ADAMTS12: variants seen among roughly 807,000 people sequenced by gnomAD.
ADAMTS12 encodes the protein A disintegrin and metalloproteinase with thrombospondin motifs 12.
Under a neutral mutation model 167.8 loss-of-function variants are expected in ADAMTS12, and 118 were observed. That is an observed-to-expected ratio of 0.70 (90% CI 0.61 to 0.82). ADAMTS12 has a LOEUF of 0.82. Among genes scored for constraint, ADAMTS12 ranks in the 40% least tolerant of loss-of-function variants. ADAMTS12 has a pLI of 0.00. For synonymous variants in ADAMTS12, 704 were observed against 716.9 expected (o/e 0.98, Z 0.29); for missense variants, 1,916 against 1,998.8 (o/e 0.96, Z 0.79).
Position 33,577,047 on chromosome 5 carries a change from G to T in ADAMTS12, c.2979C>A (p.Leu993=). The T allele has an allele frequency of 6.2e-7, 1 of 1,614,220 alleles. No individual in the cohort carries two copies. The highest frequency in any genetic ancestry group is 1.3e-5 in the African/African-American group (1 of 75,054). The change falls in exon 19 of 24, where the codon CTC becomes CTA. Residue 993 remains leucine (L), a synonymous_variant. Coordinates refer to ENST00000504830, the MANE Select transcript of ADAMTS12 (RefSeq NM_030955.4). ...RKPNSRALCG[L]QQCPSSRRVL... ...CTCTCCGGCTAGAAGGGCATTGCTG[G>T]AGGCCACACAGAGCTCGGCTGTTGG...
intron 2 of ADAMTS12, among the ~76,000 whole-genome samples, chr5:33,830,500 C>A (rs1204873954): frequency 6.6e-6 from 1 of 152,158 alleles, no homozygotes; most frequent in East Asian, 1.9e-4. Flanking sequence ...CTAAAGAATT[C>A]TGTCTTGGCC....
intron 2 of ADAMTS12, among the ~76,000 whole-genome samples, chr5:33,877,267 C>T (rs1750263398): frequency 2.0e-5 from 3 of 152,206 alleles, no homozygotes; most frequent in African/African-American, 7.2e-5. Context: ...AGTTTAATGA[C>T]CCAGGTACAC....
rs567321559 is a variant in ADAMTS12 at position 33,573,445 on chromosome 5, A to G, written c.3972+2609T>C. On this transcript the variant is annotated intron_variant, in intron 19 of 23. Transcript: ENST00000504830. ...GAACAGAGCCCTCAGAAATAATGCC[A>G]CGTATCTACAACTATCTGATCTTTG... 9.9e-5 allele frequency among the ~76,000 whole-genome samples: 15 copies of G among 152,234 alleles called. No individual in the cohort carries two copies. In the South Asian group the frequency reaches 2.9e-3, roughly 29 times the overall value.
chr5:33,613,503 T>C (rs902869025), intron 16 of ADAMTS12, among the ~76,000 whole-genome samples: 1 of 152,116 alleles, frequency 6.6e-6, no homozygotes, highest in African/African-American at 2.4e-5. Context: ...CTTGCAGCAC[T>C]TCCAGGCCAA....
At chr5:33,819,699 C>T (rs977052097) in intron 2 of ADAMTS12, among the ~76,000 whole-genome samples, 2 of 152,046 alleles carry the variant, frequency 1.3e-5, no homozygotes, top group African/African-American at 4.8e-5. Flanking sequence ...ACATTATAAA[C>T]GATCCACTCA....
At chr5:33,591,093 T>TGC (rs1747615525) in intron 17 of ADAMTS12, among the ~76,000 whole-genome samples, 2 of 128,000 alleles carry the variant, frequency 1.6e-5, no homozygotes, top group African/African-American at 2.6e-5. Flanking sequence ...TGTGTGTGTG[T>TGC]GTGTGTGTGT....
At chr5:33,598,379 T>G (rs892513665) in intron 16 of ADAMTS12, among the ~76,000 whole-genome samples, 8 of 152,202 alleles carry the variant, frequency 5.3e-5, no homozygotes, top group African/African-American at 1.9e-4. Flanking sequence ...TCAATTCATT[T>G]CTTATCTATT....
chr5:33,681,746 G>T (rs902541002), intron 5 of ADAMTS12, among the ~76,000 whole-genome samples: 6 of 152,198 alleles, frequency 3.9e-5, no homozygotes, highest in African/African-American at 7.2e-5. Flanking sequence ...GAAGGCGCCA[G>T]TCATGTGCAG....
intron 7 of ADAMTS12, among the ~76,000 whole-genome samples, chr5:33,653,948 T>A (rs1302306105): frequency 6.6e-6 from 1 of 152,206 alleles, no homozygotes; most frequent in Non-Finnish European, 1.5e-5. Context: ...GAACGTAAGA[T>A]CTTTTGTTAT....
chr5:33,872,272 G>A (rs772141444), intron 2 of ADAMTS12, among the ~76,000 whole-genome samples: 16 of 152,274 alleles, frequency 1.1e-4, no homozygotes, highest in Middle Eastern at 3.4e-3. Flanking sequence ...CTAGCTGGGC[G>A]TGGTGGCTCA....
rs10039694 is a variant in ADAMTS12 at position 33,540,940 on chromosome 5, G to A, written c.4446+5119C>T. 7.4e-3 allele frequency among the ~76,000 whole-genome samples: 1,125 copies of A among 152,292 alleles called. 13 individuals carry two copies. Among genetic ancestry groups the A allele is most frequent in the African/African-American group, 0.026 (1,062 of 41,558 alleles). On this transcript the variant is annotated intron_variant, in intron 22 of 23. Transcript: ENST00000504830. ...AGTTCCTCTTCTCCTTCAAAGGATC[G>A]TAGCTCCTCACCAGCACTGGAACAA...
chr5:33,648,723 T>A (rs917691911), intron 9 of ADAMTS12, 99 bp downstream of exon 9: 1 of 1,391,210 alleles, frequency 7.2e-7, no homozygotes. Flanking sequence ...TCTATTTCTG[T>A]GTCTGGATGT....
intron 15 of ADAMTS12, among the ~76,000 whole-genome samples, chr5:33,615,227 T>C (rs1481932418): frequency 1.3e-5 from 2 of 152,236 alleles, no homozygotes; most frequent in Non-Finnish European, 2.9e-5. Context: ...TCAGCTTCTG[T>C]GAGTGCTCTG....
intron 17 of ADAMTS12, among the ~76,000 whole-genome samples, chr5:33,594,673 C>T (rs13185934): frequency 0.19 from 28,355 of 152,112 alleles, 2,855 homozygotes; most frequent in East Asian, 0.38. Context: ...AGCTACAGCA[C>T]GGAGAGGCAA....
intron 3 of ADAMTS12, among the ~76,000 whole-genome samples, chr5:33,687,274 G>C (rs759452558): frequency 2.0e-5 from 3 of 152,032 alleles, no homozygotes; most frequent in Non-Finnish European, 2.9e-5. Context: ...GAAAGTTCAG[G>C]TCCTATACTA....
At chr5:33,740,633 C>T (rs1049343428) in intron 3 of ADAMTS12, among the ~76,000 whole-genome samples, 1 of 152,186 alleles carries the variant, frequency 6.6e-6, no homozygotes. Flanking sequence ...CGGGCACGCA[C>T]CCAATCCTGA....
At chr5:33,621,638 A>C (rs1029997561) in intron 14 of ADAMTS12, among the ~76,000 whole-genome samples, 2 of 152,188 alleles carry the variant, frequency 1.3e-5, no homozygotes, top group Admixed American at 1.3e-4. Context: ...ACCCTGGGCA[A>C]CTTATCTACA....
chr5:33,888,647 TC>T (rs1361437137), intron 1 of ADAMTS12, among the ~76,000 whole-genome samples: 1 of 152,202 alleles, frequency 6.6e-6, no homozygotes, highest in Non-Finnish European at 1.5e-5. Context: ...AAAGTGACTG[TC>T]CTGTTGATTT....
At chr5:33,863,501 T>A (rs1379107202) in intron 2 of ADAMTS12, among the ~76,000 whole-genome samples, 2 of 152,254 alleles carry the variant, frequency 1.3e-5, no homozygotes, top group African/African-American at 4.8e-5. Flanking sequence ...GTAAATGACC[T>A]CTTCAAAGAG....
Sources: gnomAD v4.1 joint callset for allele counts (sites outside exome capture counted in the v4.1 genomes callset) on GRCh38, gnomAD v4.1.1 for gene constraint, MANE v1.5 for transcripts, NCBI Gene and HGNC (gene_info 2026-07-23, HGNC 2026-07-21) for gene names.